The following KMT2C variants were observed in gnomAD, a reference collection of about 807,000 sequenced individuals.
KMT2C encodes lysine methyltransferase 2C.
Under a neutral mutation model 507.9 loss-of-function variants are expected in KMT2C, and 88 were observed. The observed-to-expected ratio is 0.17, with a 90% CI of 0.15 to 0.21. The LOEUF (loss-of-function observed/expected upper bound fraction) is 0.21, where lower values mean the gene tolerates loss of function less well. Among genes scored for constraint, KMT2C ranks in the 10% least tolerant of loss-of-function variants. KMT2C has a pLI of 1.00. For missense variants in KMT2C, 4,954 were observed against 5,957.8 expected (o/e 0.83, Z 5.55); for synonymous variants, 2,049 against 2,080.8 (o/e 0.98, Z 0.42).
intron 1 of KMT2C, among the ~76,000 whole-genome samples, chr7:152,426,548 C>T (rs930363708): frequency 2.0e-5 from 3 of 151,948 alleles, no homozygotes; most frequent in African/African-American, 4.8e-5. Flanking sequence ...TATATCATGG[C>T]ATTTTTGGAG....
intron 27 of KMT2C, among the ~76,000 whole-genome samples, 159 bp from the exon 28 acceptor site, chr7:152,196,170 GATA>G (rs1337612652): frequency 6.6e-6 from 1 of 152,270 alleles, no homozygotes; most frequent in East Asian, 1.9e-4. Context: ...TAGCAAAGGA[GATA>G]ATGTTTTGAA....
chr7:152,179,759 C>T (rs2129117712), intron 37 of KMT2C, 75 bp downstream of exon 37: 1 of 1,396,532 alleles, frequency 7.2e-7, no homozygotes. Flanking sequence ...GGATTACAGG[C>T]ACAAGCCACC....
At chr7:152,273,272 T>C (rs1040566533) in intron 7 of KMT2C, among the ~76,000 whole-genome samples, 1 of 152,196 alleles carries the variant, frequency 6.6e-6, no homozygotes, top group African/African-American at 2.4e-5. Flanking sequence ...TCTAAGAATT[T>C]CAGAAGTCTT....
Position 152,386,366 on chromosome 7 carries a change from G to A in KMT2C, c.162-27691C>T, listed in dbSNP as rs1419532656. Among the ~76,000 whole-genome samples the A allele has an allele frequency of 5.3e-5, 8 of 152,350 alleles. No individual in the cohort carries two copies. The East Asian group carries it at 5.8e-4, about 11-fold the overall frequency. ...CTTCCCACTTTACAGAAAGAAACAC[G>A]GACCTGGAGAGGTGAAAAGTGACTT... is the stretch of plus-strand genomic sequence containing the variant. On this transcript the variant is annotated intron_variant, in intron 1 of 58. Transcript: ENST00000262189.
intron 2 of KMT2C, among the ~76,000 whole-genome samples, chr7:152,333,025 C>G (rs568117879): frequency 6.6e-6 from 1 of 152,264 alleles, no homozygotes; most frequent in African/African-American, 2.4e-5. Flanking sequence ...GTGAAATGAT[C>G]TTCTATCTTT....
intron 6 of KMT2C, among the ~76,000 whole-genome samples, chr7:152,298,385 T>C (rs1407792385): frequency 4.6e-5 from 7 of 151,980 alleles, no homozygotes; most frequent in Non-Finnish European, 7.4e-5. Flanking sequence ...CAGGGATATA[T>C]TATTAATAGC....
chr7:152,199,352 G>A lies in KMT2C; in HGVS notation c.4200C>T (p.Asn1400=), dbSNP rs1220320108. The A allele has an allele frequency of 2.5e-6, 4 of 1,604,664 alleles. No individual in the cohort carries two copies. Among genetic ancestry groups the A allele is most frequent in the Non-Finnish European group, 3.4e-6 (4 of 1,176,838 alleles). The change falls in exon 27 of 59, where the codon AAC becomes AAT. Residue 1400 remains asparagine (N), a synonymous_variant. Coordinates refer to ENST00000262189, the MANE Select transcript of KMT2C (RefSeq NM_170606.3). ...CTAAGGAAGGATCCAAGAAACCTGT[G>A]TTCATGTTTGTTTTATATAAAAGCT... ...GAQLLYKTNM[N]TGFLDPSLDP...
At chr7:152,267,540 G>C (rs1463519248) in intron 7 of KMT2C, among the ~76,000 whole-genome samples, 2 of 152,072 alleles carry the variant, frequency 1.3e-5, no homozygotes, top group African/African-American at 4.8e-5. Context: ...TTAGGTTGGT[G>C]CAAAAGTAAC....
In KMT2C at chr7:152,177,716, G is replaced by A. The variant is rs1427843595; in HGVS notation, c.7737C>T (p.Gly2579=). 2 of 1,613,988 alleles carry A rather than the reference G, an allele frequency of 1.2e-6. No homozygotes were observed. Among genetic ancestry groups the A allele is most frequent in the African/African-American group, 2.7e-5 (2 of 74,892 alleles). The change falls in exon 38 of 59, where the codon GGC becomes GGT. Residue 2579 remains glycine (G), a synonymous_variant. Transcript: ENST00000262189. ...RQRLPFSAPP[G]SVVEASSNLR... is the part of the protein sequence containing the mutation. ...GATTAGAAGATGCCTCTACAACGCT[G>A]CCAGGTGGAGCACTGAAAGGCAGCC... is the stretch of plus-strand genomic sequence containing the variant.
chr7:152,300,824 C>T (rs2096559265), intron 6 of KMT2C, among the ~76,000 whole-genome samples: 1 of 152,104 alleles, frequency 6.6e-6, no homozygotes. Context: ...CTTTGGGAGG[C>T]TGAGGCGGGT....
chr7:152,294,147 G>A (rs186396538), intron 6 of KMT2C, among the ~76,000 whole-genome samples: 1 of 152,068 alleles, frequency 6.6e-6, no homozygotes, highest in African/African-American at 2.4e-5. Flanking sequence ...TGGGATTACA[G>A]GTGTGAGCCA....
Position 152,203,017 on chromosome 7 carries a change from C to G in KMT2C, c.4009G>C (p.Val1337Leu), listed in dbSNP as rs1042433984. 1.9e-6 allele frequency: 3 copies of G among 1,611,076 alleles called. No individual in the cohort carries two copies. Among genetic ancestry groups the G allele is most frequent in the Admixed American group, 1.7e-5 (1 of 59,838 alleles). Reference sequence around the variant, plus strand: ...TTTATTTTTTCAGTGCTTTCAGTAACAGAAACAGATTCATCAACTAAAGTA... The same window carrying G: ...TTTATTTTTTCAGTGCTTTCAGTAAGAGAAACAGATTCATCAACTAAAGTA... ...PDTLVDESVS[V>L]TESTEKIKKR... The change falls in exon 26 of 59, where the codon GTT becomes CTT. Residue 1337 changes from valine to leucine, a missense_variant. Physicochemically the swap from Val to Leu is conservative, Grantham distance 32. This residue lies in a region of KMT2C where 176 missense variants were observed against 262.0 expected (regional missense o/e 0.67). Coordinates refer to ENST00000262189, the MANE Select transcript of KMT2C (RefSeq NM_170606.3).
In KMT2C at chr7:152,297,059, G is replaced by GACAGACAGAA. The variant is rs1563767704; in HGVS notation, c.849+12906_849+12907insTTCTGTCTGT. On this transcript the variant is annotated intron_variant, in intron 6 of 58. Transcript: ENST00000262189. The stretch of plus-strand genomic sequence containing the variant: ...AAAGAAAGAAAGAAAGAAAGACAGA[G>GACAGACAGAA]AGAGAGAGAGAGAGAGAGAGAGAGA... 6.2e-5 allele frequency among the ~76,000 whole-genome samples: 4 copies of GACAGACAGAA among 64,396 alleles called. 1 individual carries two copies. The highest frequency in any genetic ancestry group is 2.3e-4 in the African/African-American group (4 of 17,294). 42.2% of individuals were successfully genotyped at this position (64,396 alleles called of 152,430 possible). A position where few individuals can be genotyped will look rare whatever the true frequency, so the allele number is the denominator to read the frequency against.
chr7:152,395,362 C>G (rs372577125), intron 1 of KMT2C, among the ~76,000 whole-genome samples: 56 of 151,814 alleles, frequency 3.7e-4, no homozygotes, highest in Non-Finnish European at 7.1e-4. Context: ...CTTTCCCCCC[C>G]CCAGTTAGAG....
rs557401899 is a variant in KMT2C, at chr7:152,322,567, G to C, written c.390-7229C>G. 7.9e-5 allele frequency among the ~76,000 whole-genome samples: 12 copies of C among 152,032 alleles called. No homozygotes were observed. In the South Asian group the frequency reaches 2.5e-3, roughly 32 times the overall value. ...TAACACAAAAAATCAATTCAAAATA[G>C]ATGAAAGTCTTATGTTTCGGATGTC... On this transcript the variant is annotated intron_variant, in intron 3 of 58. Transcript: ENST00000262189.
intron 51 of KMT2C, among the ~76,000 whole-genome samples, chr7:152,150,686 A>G (rs1015223077): frequency 2.0e-5 from 3 of 152,056 alleles, no homozygotes; most frequent in Non-Finnish European, 4.4e-5. Flanking sequence ...TTAAAACATA[A>G]CTCTGCCCAC....
chr7:152,302,922 G>A (rs1345935201), intron 6 of KMT2C, among the ~76,000 whole-genome samples: 2 of 152,112 alleles, frequency 1.3e-5, no homozygotes, highest in Admixed American at 6.6e-5. Flanking sequence ...GGGATTACAG[G>A]CATGAGACGC....
At chr7:152,183,531 G>A (rs934269609) in intron 34 of KMT2C, among the ~76,000 whole-genome samples, 3 of 152,126 alleles carry the variant, frequency 2.0e-5, no homozygotes, top group Non-Finnish European at 2.9e-5. Context: ...GGAGGCCAAG[G>A]CGGGTGGATC....
At chr7:152,353,856 AG>A (rs1442362290) in intron 2 of KMT2C, among the ~76,000 whole-genome samples, 1 of 152,200 alleles carries the variant, frequency 6.6e-6, no homozygotes, top group Non-Finnish European at 1.5e-5. Flanking sequence ...CAGGATTTAC[AG>A]GAACAAGAGA....
Sources: gnomAD v4.1 joint callset for allele counts (sites outside exome capture counted in the v4.1 genomes callset) on GRCh38, gnomAD v4.1.1 for gene constraint, gnomAD v4.1.1 regional missense constraint, MANE v1.5 for transcripts, NCBI Gene and HGNC (gene_info 2026-07-23, HGNC 2026-07-21) for gene names.